AGBL4: variants seen among roughly 807,000 people sequenced by gnomAD.
AGBL4 encodes the protein cytosolic carboxypeptidase 6.
In AGBL4, 58 loss-of-function variants were observed where a neutral mutation model predicts 66.4. The ratio of observed to expected loss-of-function variants is 0.87; its 90% CI spans 0.71 to 1.09. AGBL4 has a LOEUF of 1.09. AGBL4 is among the 50% of genes least tolerant of loss of function. AGBL4 has a pLI of 0.00. For missense variants in AGBL4, 579 were observed against 631.0 expected, an observed-to-expected ratio of 0.92 and a Z score of 0.88; for synonymous variants, 234 against 222.9, an observed-to-expected ratio of 1.05 and a Z score of -0.44.
intron 6 of AGBL4, among the ~76,000 whole-genome samples, chr1:48,761,968 A>G (rs1396208286): frequency 6.6e-6 from 1 of 152,194 alleles, no homozygotes; most frequent in Non-Finnish European, 1.5e-5. Context: ...GGGTATCTCC[A>G]CAGCCCTGAC....
At chr1:48,629,400 T>C (rs559272828) in intron 9 of AGBL4, among the ~76,000 whole-genome samples, 1 of 152,288 alleles carries the variant, frequency 6.6e-6, no homozygotes, top group East Asian at 1.9e-4. Flanking sequence ...CTGGTGCTAA[T>C]TAGATCTCAG....
intron 6 of AGBL4, among the ~76,000 whole-genome samples, chr1:48,750,269 G>A (rs527620327): frequency 6.6e-6 from 1 of 152,302 alleles, no homozygotes; most frequent in African/African-American, 2.4e-5. Context: ...TGTAGGAGGG[G>A]CTGGGGTAGT....
intron 1 of AGBL4, among the ~76,000 whole-genome samples, chr1:49,864,492 T>C (rs1344988064): frequency 6.6e-6 from 1 of 151,970 alleles, no homozygotes; most frequent in Non-Finnish European, 1.5e-5. Flanking sequence ...GCTCTCTCAT[T>C]AGGAAAGACT....
intron 6 of AGBL4, among the ~76,000 whole-genome samples, chr1:48,691,492 G>A (rs991344762): frequency 3.3e-5 from 5 of 152,122 alleles, no homozygotes; most frequent in African/African-American, 9.7e-5. Flanking sequence ...CAGAAACCAC[G>A]ACAGATGGAT....
chr1:49,174,063 G>T (rs769388189), intron 4 of AGBL4, among the ~76,000 whole-genome samples: 1 of 152,048 alleles, frequency 6.6e-6, no homozygotes, highest in South Asian at 2.1e-4. Flanking sequence ...ACAGTGAAAG[G>T]AAAAGAGAGA....
chr1:48,999,466 G>T (rs990059314), intron 5 of AGBL4, among the ~76,000 whole-genome samples: 2 of 152,140 alleles, frequency 1.3e-5, no homozygotes, highest in African/African-American at 4.8e-5. Context: ...TTCGTCAAGA[G>T]AACAGGACAT....
At chr1:48,526,740 T>C in the AGBL4 span, among the ~76,000 whole-genome samples, 1 of 152,186 alleles carries the variant, frequency 6.6e-6, no homozygotes, top group Non-Finnish European at 1.5e-5. Flanking sequence ...ATGTTTTTAC[T>C]AGTAGTAATA....
At chr1:49,066,094 G>A (rs1261433396) in intron 4 of AGBL4, among the ~76,000 whole-genome samples, 1 of 152,194 alleles carries the variant, frequency 6.6e-6, no homozygotes, top group East Asian at 1.9e-4. Flanking sequence ...GAAGACAAAG[G>A]TGTGGGATCA....
chr1:49,007,800 T>G (rs1476296864), intron 5 of AGBL4, among the ~76,000 whole-genome samples: 2 of 151,540 alleles, frequency 1.3e-5, no homozygotes, highest in African/African-American at 4.9e-5. Flanking sequence ...GAAGGAGAAA[T>G]AAAATACTTT....
chr1:49,977,402 A>C (rs955812895), intron 1 of AGBL4, among the ~76,000 whole-genome samples: 18 of 152,104 alleles, frequency 1.2e-4, no homozygotes, highest in Non-Finnish European at 2.5e-4. Context: ...ACACTATTCT[A>C]CTTTTATATT....
At chr1:49,948,139 T>C (rs1204480915) in intron 1 of AGBL4, among the ~76,000 whole-genome samples, 1 of 103,154 alleles carries the variant, frequency 9.7e-6, no homozygotes, top group Non-Finnish European at 1.7e-5. Context: ...TAAATATATG[T>C]AAATATATAT....
At chr1:49,783,312 A>G (rs959188646) in intron 2 of AGBL4, among the ~76,000 whole-genome samples, 1 of 152,202 alleles carries the variant, frequency 6.6e-6, no homozygotes, top group Admixed American at 6.5e-5. Flanking sequence ...CTAGCAAAAT[A>G]TAAAAAGGAT....
At chr1:49,208,328 G>A (rs1648403165) in intron 4 of AGBL4, among the ~76,000 whole-genome samples, 1 of 151,942 alleles carries the variant, frequency 6.6e-6, no homozygotes, top group Non-Finnish European at 1.5e-5. Context: ...TGATTCTGAT[G>A]ATTTTTATTC....
intron 4 of AGBL4, among the ~76,000 whole-genome samples, chr1:49,192,490 G>C (rs1269526325): frequency 2.0e-5 from 3 of 152,096 alleles, no homozygotes; most frequent in Non-Finnish European, 4.4e-5. Flanking sequence ...GTAGAGACAG[G>C]GTTTCACCAT....
chr1:48,839,241 C>A (rs1646746987), intron 6 of AGBL4, among the ~76,000 whole-genome samples: 1 of 152,214 alleles, frequency 6.6e-6, no homozygotes. Flanking sequence ...CTTATTGCAG[C>A]ACTATTCATA....
intron 5 of AGBL4, among the ~76,000 whole-genome samples, chr1:49,017,348 G>A (rs1181443920): frequency 1.3e-5 from 2 of 152,172 alleles, no homozygotes; most frequent in South Asian, 2.1e-4. Context: ...ATAGTGGTAT[G>A]ACAGTAGAAC....
intron 2 of AGBL4, among the ~76,000 whole-genome samples, chr1:49,742,957 A>G (rs947325174): frequency 6.6e-6 from 1 of 152,204 alleles, no homozygotes; most frequent in Admixed American, 6.5e-5. Context: ...CCTAGAAAAA[A>G]ACCTACGCAA....
At chr1:48,573,725 A>C (rs1021782650) in intron 11 of AGBL4, among the ~76,000 whole-genome samples, 3 of 152,106 alleles carry the variant, frequency 2.0e-5, no homozygotes, top group African/African-American at 7.2e-5. Flanking sequence ...GAAACCTATA[A>C]TCCAAACAGA....
At chr1:49,459,890 A>T (rs1646473866) in intron 3 of AGBL4, among the ~76,000 whole-genome samples, 1 of 151,636 alleles carries the variant, frequency 6.6e-6, no homozygotes, top group South Asian at 2.1e-4. Context: ...ATAATTTTTT[A>T]AATTTCCATC....
Sources: gnomAD v4.1 joint callset for allele counts (sites outside exome capture counted in the v4.1 genomes callset) on GRCh38, gnomAD v4.1.1 for gene constraint, MANE v1.5 for transcripts, NCBI Gene and HGNC (gene_info 2026-07-23, HGNC 2026-07-21) for gene names.